The following LHX6 variants were observed in gnomAD, a reference collection of about 807,000 sequenced individuals.
The protein encoded by LHX6 is LIM/homeobox protein Lhx6.
LHX6 carries 15 observed loss-of-function variants against 47.1 expected under a neutral mutation model. The observed-to-expected ratio is 0.32, with a 90% CI of 0.21 to 0.49. The LOEUF is 0.49. Among genes scored for constraint, LHX6 ranks in the 20% least tolerant of loss-of-function variants. The pLI is 0.99. For missense variants in LHX6, 404 were observed against 539.6 expected (o/e 0.75, Z 2.49); for synonymous variants, 242 against 233.5 (o/e 1.04, Z -0.33).
intron 9 of LHX6, 119 bp downstream of exon 9, chr9:122,209,495 G>T: frequency 6.9e-7 from 1 of 1,455,242 alleles, no homozygotes; most frequent in Non-Finnish European, 9.3e-7. Flanking sequence ...TCAGCAGGCC[G>T]GGCAGACAGG....
At chr9:122,206,823 T>G (rs1830197342) in intron 9 of LHX6, among the ~76,000 whole-genome samples, 1 of 152,148 alleles carries the variant, frequency 6.6e-6, no homozygotes, top group South Asian at 2.1e-4. Flanking sequence ...CCCACTTCCC[T>G]GGACCTCAGC....
In LHX6 at chr9:122,214,201, G is replaced by A; in HGVS notation, c.783+82C>T. 7.9e-6 allele frequency: 11 copies of A among 1,384,312 alleles called. No individual in the cohort carries two copies. The highest frequency in any genetic ancestry group is 1.1e-5 in the Non-Finnish European group (11 of 1,043,378). 85.8% of individuals were successfully genotyped at this position (1,384,312 alleles called of 1,614,324 possible). A position where few individuals can be genotyped will look rare whatever the true frequency, so the allele number is the denominator to read the frequency against. On this transcript the variant is annotated intron_variant, in intron 6 of 9. Coordinates refer to ENST00000394319, the MANE Select transcript of LHX6 (RefSeq NM_014368.5). The surrounding 1 kb of genome is among the most constrained non-coding windows in gnomAD (Gnocchi z 4.6). ...GCCCCGCCACCCGGGTCCGGCCCGA[G>A]GGGCGGAGCCAGGAGACATTGTCGG...
chr9:122,216,961 G>A (rs1054479971), intron 5 of LHX6, 107 bp downstream of exon 5: 6 of 927,740 alleles, frequency 6.5e-6, no homozygotes, highest in South Asian at 1.6e-5. Context: ...GGACTATACC[G>A]GGAGGGCCCA....
In LHX6 at chr9:122,214,249, C is replaced by G; in HGVS notation, c.783+34G>C. 1 of 1,537,930 alleles carries G rather than the reference C, an allele frequency of 6.5e-7. No individual in the cohort carries two copies. The highest frequency in any genetic ancestry group is 8.7e-7 in the Non-Finnish European group (1 of 1,147,526). ...CGGCCCCGCCCACTTTCGGCCCGGC[C>G]CCCGCCCCCGCCGCCCACTGCTTGC... On this transcript the variant is annotated intron_variant, in intron 6 of 9. Transcript: ENST00000394319. The surrounding 1 kb of genome is among the most constrained non-coding windows in gnomAD (Gnocchi z 4.6).
At chr9:122,222,148 C>T (rs1273729589) in intron 4 of LHX6, among the ~76,000 whole-genome samples, 5 of 152,200 alleles carry the variant, frequency 3.3e-5, no homozygotes. Flanking sequence ...ACATTAGTCT[C>T]CCCAACTATA....
Position 122,214,094 on chromosome 9 carries a change from G to A in LHX6, c.784-25C>T. 1.3e-6 allele frequency: 2 copies of A among 1,583,416 alleles called. No homozygotes were observed. On this transcript the variant is annotated intron_variant, in intron 6 of 9. Transcript: ENST00000394319. The surrounding 1 kb of genome is among the most constrained non-coding windows in gnomAD (Gnocchi z 4.6). ...CCTGCGGGGCGGGGAGGGCGGTGAG[G>A]CGCTCGCACGCAGAGACTCCGAGAC...
At chr9:122,218,499 C>A (rs1009811128) in intron 4 of LHX6, among the ~76,000 whole-genome samples, 1 of 152,142 alleles carries the variant, frequency 6.6e-6, no homozygotes, top group African/African-American at 2.4e-5. Flanking sequence ...CCCTCCTAGG[C>A]CAGGCTCCCA....
chr9:122,224,699 A>G (rs1831018049), intron 4 of LHX6, among the ~76,000 whole-genome samples: 1 of 151,932 alleles, frequency 6.6e-6, no homozygotes, highest in African/African-American at 2.4e-5. Flanking sequence ...CTTTGCGTGC[A>G]CGTGCACGCA....
chr9:122,220,425 G>C (rs1830797178), intron 4 of LHX6, among the ~76,000 whole-genome samples: 1 of 152,230 alleles, frequency 6.6e-6, no homozygotes, highest in African/African-American at 2.4e-5. Flanking sequence ...CAGGACAGGA[G>C]TCAGCAGCAC....
chr9:122,219,183 G>T (rs1830719293), intron 4 of LHX6, among the ~76,000 whole-genome samples: 1 of 152,256 alleles, frequency 6.6e-6, no homozygotes, highest in South Asian at 2.1e-4. Context: ...GCGTTGGGTT[G>T]GACTGAGTGC....
At chr9:122,227,708 T>A in intron 1 of LHX6, 1 of 910,372 alleles carries the variant, frequency 1.1e-6, no homozygotes, top group Non-Finnish European at 1.5e-6. Flanking sequence ...TCCCTGCACT[T>A]AACCCGTGGC....
At chr9:122,227,331 G>C in intron 2 of LHX6, 78 bp downstream of exon 2, 1 of 1,338,066 alleles carries the variant, frequency 7.5e-7, no homozygotes, top group Non-Finnish European at 9.8e-7. Context: ...AGCAGTTCGT[G>C]GCCGGAAAAC....
chr9:122,214,073 C>CG lies in LHX6; in HGVS notation c.784-5dup. On this transcript the variant is annotated splice_region_variant and splice_polypyrimidine_tract_variant and intron_variant, in intron 6 of 9. Transcript: ENST00000394319. This position sits in a 1 kb window ranked among gnomAD's most constrained non-coding sequence, Gnocchi z 4.6. ...GCGCGAACTGCGCCTGCATAACCTGCGGGGCGGGGAGGGCGGTGAGGCGCT... is the reference window on the plus strand; with the variant it reads ...GCGCGAACTGCGCCTGCATAACCTGCGGGGGCGGGGAGGGCGGTGAGGCGCT... The CG allele has an allele frequency of 6.3e-7, 1 of 1,599,600 alleles. No homozygotes were observed. Among genetic ancestry groups the CG allele is most frequent in the Non-Finnish European group, 8.5e-7 (1 of 1,178,810 alleles).
At chr9:122,211,468 A>C (rs563246077) in intron 8 of LHX6, among the ~76,000 whole-genome samples, 1 of 152,194 alleles carries the variant, frequency 6.6e-6, no homozygotes, top group Non-Finnish European at 1.5e-5. Flanking sequence ...AGTTAACCGC[A>C]GAGCAAACTC....
In LHX6 at chr9:122,228,905, C is replaced by A; in HGVS notation, c.-165G>T. 1 of 276,638 alleles carries A rather than the reference C, an allele frequency of 3.6e-6. No individual in the cohort carries two copies. The allele number at this position is 276,638 out of a possible 1,614,324, so 17.1% of individuals were successfully genotyped here. ...TCAGCCCCCGCCCCCGGCCCGCGCG[C>A]AGCCCCGGCCTCCCTGGCTGCTGCC... is the stretch of plus-strand genomic sequence containing the variant. On this transcript the variant is annotated 5_prime_UTR_variant, in exon 1 of 10. Coordinates refer to ENST00000394319, the MANE Select transcript of LHX6 (RefSeq NM_014368.5).
At chr9:122,218,903 C>G (rs914249290) in intron 4 of LHX6, among the ~76,000 whole-genome samples, 3 of 152,100 alleles carry the variant, frequency 2.0e-5, no homozygotes, top group Non-Finnish European at 4.4e-5. Flanking sequence ...CACCCTGCAC[C>G]GCTCTCTCAG....
chr9:122,225,314 G>A (rs7026543), intron 4 of LHX6, among the ~76,000 whole-genome samples: 131,840 of 152,260 alleles, frequency 0.87, 58,417 homozygotes, highest in East Asian at 1. Context: ...CTCAGGAAGT[G>A]ATTCTCCACC....
At chr9:122,228,293 G>A (rs887685676) in intron 1 of LHX6, 2 of 1,534,826 alleles carry the variant, frequency 1.3e-6, no homozygotes, top group Admixed American at 2.0e-5. Context: ...CCAGCCCCTC[G>A]GCGCGCCGGG....
chr9:122,205,875 C>T (rs920894029), intron 9 of LHX6, among the ~76,000 whole-genome samples: 3 of 152,116 alleles, frequency 2.0e-5, no homozygotes, highest in African/African-American at 7.2e-5. Context: ...TCCCAGATCT[C>T]ACAGGGGAGG....
Sources: gnomAD v4.1 joint callset for allele counts (sites outside exome capture counted in the v4.1 genomes callset) on GRCh38, gnomAD v4.1.1 for gene constraint, Gnocchi (gnomAD v3.1) non-coding constraint, MANE v1.5 for transcripts, NCBI Gene and HGNC (gene_info 2026-07-23, HGNC 2026-07-21) for gene names.